LY6S: variants seen among roughly 807,000 people sequenced by gnomAD.
LY6S encodes lymphocyte antigen 6 family member S.
chr8:143,070,463 TAATATATATATAAATATATATA>T, the LY6S span, among the ~76,000 whole-genome samples: 1 of 39,268 alleles, frequency 2.5e-5, no homozygotes, highest in African/African-American at 8.5e-5. Flanking sequence ...TATATATATA[TAATATATATATAAATATATATA>T]TATATTTTTT....
At chr8:143,054,634 G>A in the LY6S span, among the ~76,000 whole-genome samples, 6 of 152,122 alleles carry the variant, frequency 3.9e-5, no homozygotes, top group Admixed American at 6.6e-5. Flanking sequence ...GCGCTCCATC[G>A]CTTACAGCTC....
chr8:143,069,488 TG>T, the LY6S span, among the ~76,000 whole-genome samples: 2 of 152,200 alleles, frequency 1.3e-5, no homozygotes, highest in African/African-American at 2.4e-5. Context: ...AGGCCAAGCC[TG>T]GGGACCCAGC....
the LY6S span, among the ~76,000 whole-genome samples, chr8:143,048,230 C>T: frequency 1.6e-4 from 25 of 152,166 alleles, no homozygotes; most frequent in Non-Finnish European, 3.4e-4. Flanking sequence ...TTGCCTGGAC[C>T]GTTTCTGTGG....
At chr8:143,046,631 T>C in the LY6S span, among the ~76,000 whole-genome samples, 1 of 151,992 alleles carries the variant, frequency 6.6e-6, no homozygotes, top group Non-Finnish European at 1.5e-5. Context: ...CCATCTTGCT[T>C]TCTAATCTCA....
At chr8:143,074,628 C>T in the LY6S span, among the ~76,000 whole-genome samples, 3 of 152,002 alleles carry the variant, frequency 2.0e-5, no homozygotes, top group African/African-American at 7.3e-5. Context: ...TTTGTTCATC[C>T]TTTCCTCCAT....
the LY6S span, among the ~76,000 whole-genome samples, chr8:143,071,791 C>T: frequency 2.0e-5 from 3 of 152,134 alleles, no homozygotes; most frequent in Non-Finnish European, 4.4e-5. Context: ...GCTTCAGCGA[C>T]CCCAGGAAAG....
the LY6S span, among the ~76,000 whole-genome samples, chr8:143,065,261 C>A: frequency 2.6e-5 from 4 of 152,106 alleles, no homozygotes; most frequent in Non-Finnish European, 5.9e-5. Flanking sequence ...TGAGGTGGGG[C>A]AGGAGACACT....
chr8:143,073,672 G>A, the LY6S span, among the ~76,000 whole-genome samples: 1 of 134,538 alleles, frequency 7.4e-6, no homozygotes, highest in South Asian at 2.4e-4. Flanking sequence ...CATCATCCTC[G>A]GGGTTCCTGT....
chr8:143,042,910 C>G, the LY6S span: 1 of 985,374 alleles, frequency 1.0e-6, no homozygotes, highest in South Asian at 1.3e-5. Context: ...GCTGGAGGGC[C>G]TGGGCCCAGA....
the LY6S span, chr8:143,043,051 T>G: frequency 7.3e-7 from 1 of 1,367,616 alleles, no homozygotes; most frequent in Non-Finnish European, 9.8e-7. Context: ...AGGCAGCTCT[T>G]CAAAACCAAG....
At chr8:143,070,446 G>GTATATATATATATAATATA in the LY6S span, among the ~76,000 whole-genome samples, 1 of 69,536 alleles carries the variant, frequency 1.4e-5, no homozygotes, top group Admixed American at 2.2e-4. Context: ...TATATATATT[G>GTATATATATATATAATATA]TATATATATA....
the LY6S span, among the ~76,000 whole-genome samples, chr8:143,055,780 C>G: frequency 6.6e-6 from 1 of 152,194 alleles, no homozygotes; most frequent in Non-Finnish European, 1.5e-5. Flanking sequence ...CCAGACCACA[C>G]AGCACATCAG....
chr8:143,051,408 G>C, the LY6S span, among the ~76,000 whole-genome samples: 1 of 152,058 alleles, frequency 6.6e-6, no homozygotes, highest in Non-Finnish European at 1.5e-5. Context: ...GGCCGTGATG[G>C]CATGCACCCG....
the LY6S span, among the ~76,000 whole-genome samples, chr8:143,048,470 C>CTT: frequency 8.8e-5 from 11 of 124,520 alleles, no homozygotes; most frequent in Non-Finnish European, 1.3e-4. Flanking sequence ...ACAAAATTTT[C>CTT]TTTTTTTTTT....
At chr8:143,049,997 GGTTGTGGGAGAAACACCTCGTCCA>G in the LY6S span, among the ~76,000 whole-genome samples, 10 of 151,890 alleles carry the variant, frequency 6.6e-5, no homozygotes, top group African/African-American at 2.2e-4. Flanking sequence ...CACCCTGTCT[GGTTGTGGGAGAAACACCTCGTCCA>G]GTTGTGGGAG....
At chr8:143,043,203 A>C in the LY6S span, 2 of 1,367,540 alleles carry the variant, frequency 1.5e-6, no homozygotes, top group Non-Finnish European at 2.0e-6. Context: ...GGCTGCCAGG[A>C]CCACCGCATT....
At chr8:143,064,803 CG>C in the LY6S span, among the ~76,000 whole-genome samples, 56 of 152,276 alleles carry the variant, frequency 3.7e-4, no homozygotes, top group African/African-American at 1.3e-3. Context: ...TGGGTCCGTG[CG>C]GGGAATTGCT....
the LY6S span, among the ~76,000 whole-genome samples, chr8:143,063,618 T>C: frequency 7.2e-5 from 11 of 152,230 alleles, no homozygotes; most frequent in Non-Finnish European, 2.9e-5. Flanking sequence ...GGCAGGGCTG[T>C]GTCCTTTAAA....
At chr8:143,051,417 C>A in the LY6S span, among the ~76,000 whole-genome samples, 4 of 151,684 alleles carry the variant, frequency 2.6e-5, no homozygotes, top group Non-Finnish European at 5.9e-5. Flanking sequence ...GGCATGCACC[C>A]GTAATCCCAG....
Sources: gnomAD v4.1 joint callset for allele counts (sites outside exome capture counted in the v4.1 genomes callset) on GRCh38, gnomAD v4.1.1 for gene constraint, MANE v1.5 for transcripts, NCBI Gene and HGNC (gene_info 2026-07-23, HGNC 2026-07-21) for gene names.